Variants in PRH1 observed in about 807,000 individuals in gnomAD.
PRH1 encodes the protein salivary acidic proline-rich phosphoprotein 1/2.
A neutral mutation model predicts 7.9 loss-of-function variants in PRH1; 7 were observed. That is an observed-to-expected ratio of 0.89 (90% CI 0.50 to 1.67). The LOEUF (loss-of-function observed/expected upper bound fraction) is 1.67, where lower values mean the gene tolerates loss of function less well. Ranked by LOEUF, PRH1 falls within the 40% of genes most tolerant of loss-of-function variation. PRH1 has a pLI of 0.00. For missense variants in PRH1, 109 were observed against 223.6 expected, an observed-to-expected ratio of 0.49 and a Z score of 3.27; for synonymous variants, 45 against 80.8, an observed-to-expected ratio of 0.56 and a Z score of 2.38.
chr12:11,023,617 C>T (rs1941765816), intron 1 of PRH1, among the ~76,000 whole-genome samples: 1 of 152,164 alleles, frequency 6.6e-6, no homozygotes, highest in African/African-American at 2.4e-5. Context: ...GTAGAATTTA[C>T]AGAGATTTAA....
chr12:11,114,782 G>T (rs1319755199), intron 1 of PRH1, among the ~76,000 whole-genome samples: 1 of 152,094 alleles, frequency 6.6e-6, no homozygotes, highest in Admixed American at 6.6e-5. Context: ...TTTTGTTTTT[G>T]TGCTTGTTTG....
chr12:10,896,392 T>C (rs1225471361), intron 2 of PRH1, among the ~76,000 whole-genome samples: 1 of 152,214 alleles, frequency 6.6e-6, no homozygotes, highest in Non-Finnish European at 1.5e-5. Context: ...CTAATGCAGA[T>C]TATTTATAAA....
intron 1 of PRH1, among the ~76,000 whole-genome samples, chr12:10,883,905 T>A (rs1324656603): frequency 6.6e-6 from 1 of 152,232 alleles, no homozygotes; most frequent in African/African-American, 2.4e-5. Flanking sequence ...CCCATGTCTC[T>A]ATATAATGCA....
chr12:11,045,882 AG>A (rs35649682), intron 1 of PRH1, among the ~76,000 whole-genome samples: 34,577 of 152,004 alleles, frequency 0.23, 3,981 homozygotes, highest in Non-Finnish European at 0.24. Flanking sequence ...CACCAATCAA[AG>A]GTTATATAAT....
intron 1 of PRH1, among the ~76,000 whole-genome samples, chr12:11,037,543 T>G (rs1264032948): frequency 6.6e-6 from 1 of 152,178 alleles, no homozygotes; most frequent in Non-Finnish European, 1.5e-5. Context: ...TATATTTATT[T>G]AATTTAATAT....
intron 1 of PRH1, among the ~76,000 whole-genome samples, chr12:11,147,716 A>G (rs1453230068): frequency 1.3e-5 from 2 of 152,184 alleles, no homozygotes; most frequent in Non-Finnish European, 2.9e-5. Flanking sequence ...GTCCTATTAC[A>G]TTAGCTAAAA....
intron 1 of PRH1, among the ~76,000 whole-genome samples, chr12:11,163,297 C>G (rs1947472009): frequency 6.6e-6 from 1 of 152,142 alleles, no homozygotes; most frequent in African/African-American, 2.4e-5. Context: ...AGTTTTACCC[C>G]TGGTACCATG....
At chr12:11,118,299 TCAAA>T (rs1310487784), downstream of PRH1, among the ~76,000 whole-genome samples, 6 of 152,124 alleles carry the variant, frequency 3.9e-5, no homozygotes, top group African/African-American at 7.2e-5. Context: ...TATACGAATG[TCAAA>T]CAGACATGTG....
intron 2 of PRH1, among the ~76,000 whole-genome samples, chr12:10,924,143 A>T (rs1167424196): frequency 3.3e-5 from 5 of 151,424 alleles, no homozygotes; most frequent in South Asian, 2.1e-4. Context: ...GCCTGCCACC[A>T]CGCCCAGCTA....
chr12:11,170,780 C>T (rs981284508), intron 1 of PRH1, among the ~76,000 whole-genome samples: 1 of 152,212 alleles, frequency 6.6e-6, no homozygotes, highest in Admixed American at 6.5e-5. Context: ...ATTCCTGTCA[C>T]TTGCAATTTA....
intron 1 of PRH1, among the ~76,000 whole-genome samples, chr12:11,148,784 G>A (rs1946958366): frequency 8.4e-6 from 1 of 119,446 alleles, no homozygotes; most frequent in Admixed American, 8.5e-5. Flanking sequence ...TTGGTATCAG[G>A]ATGATGCTGG....
chr12:11,070,097 G>C (rs1472285032), intron 1 of PRH1, among the ~76,000 whole-genome samples: 2 of 152,162 alleles, frequency 1.3e-5, no homozygotes, highest in Non-Finnish European at 2.9e-5. Flanking sequence ...GTGGCCATCA[G>C]CTGATGCCCT....
chr12:11,118,176 G>C (rs1405341212), downstream of PRH1, among the ~76,000 whole-genome samples: 1 of 151,844 alleles, frequency 6.6e-6, no homozygotes. Context: ...ATCTGGCAAG[G>C]GATTAATAAC....
intron 2 of PRH1, among the ~76,000 whole-genome samples, chr12:10,893,086 C>G (rs1022863969): frequency 3.3e-5 from 5 of 152,192 alleles, no homozygotes; most frequent in Admixed American, 6.5e-5. Context: ...ATTATTACAT[C>G]TTCACAAAGC....
At chr12:10,906,937 C>T (rs1949813516) in intron 2 of PRH1, among the ~76,000 whole-genome samples, 1 of 152,054 alleles carries the variant, frequency 6.6e-6, no homozygotes, top group Non-Finnish European at 1.5e-5. Context: ...AAGGTTTAAA[C>T]AAACATTTCA....
chr12:10,966,283 G>A (rs1938494394), intron 2 of PRH1, among the ~76,000 whole-genome samples: 1 of 152,006 alleles, frequency 6.6e-6, no homozygotes, highest in African/African-American at 2.4e-5. Context: ...CCCATTATTT[G>A]ACATATAATC....
intron 1 of PRH1, among the ~76,000 whole-genome samples, chr12:11,170,984 TC>T (rs1947818619): frequency 6.6e-6 from 1 of 152,246 alleles, no homozygotes; most frequent in Admixed American, 6.5e-5. Flanking sequence ...AAAGTTTTAA[TC>T]TAGCTTTGGC....
intron 1 of PRH1, among the ~76,000 whole-genome samples, chr12:11,168,200 CGAAA>C (rs1235000609): frequency 5.5e-5 from 2 of 36,328 alleles, no homozygotes; most frequent in African/African-American, 1.1e-4. Flanking sequence ...TGGCAAAAAA[CGAAA>C]GAAAGAAAGA....
chr12:10,993,672 C>G (rs963531170), intron 1 of PRH1, among the ~76,000 whole-genome samples: 4 of 142,548 alleles, frequency 2.8e-5, no homozygotes, highest in African/African-American at 1.0e-4. Flanking sequence ...TTTGAGGATA[C>G]TGCTCTGATT....
Sources: gnomAD v4.1 joint callset for allele counts (sites outside exome capture counted in the v4.1 genomes callset) on GRCh38, gnomAD v4.1.1 for gene constraint, MANE v1.5 for transcripts, NCBI Gene and HGNC (gene_info 2026-07-23, HGNC 2026-07-21) for gene names.